The following APBB2 variants were observed in gnomAD, a reference collection of about 807,000 sequenced individuals.
The protein encoded by APBB2 is amyloid beta precursor protein binding family B member 2.
In APBB2, 38 loss-of-function variants were observed where a neutral mutation model predicts 82.5. That is an observed-to-expected ratio of 0.46 (90% confidence interval 0.36 to 0.60). The LOEUF is 0.60. Ranked by LOEUF, APBB2 falls within the 20% of genes least tolerant of loss-of-function variation. The pLI is 0.00. For missense variants in APBB2, 772 were observed against 972.3 expected (o/e 0.79, Z 2.74); for synonymous variants, 341 against 368.2 (o/e 0.93, Z 0.85).
intron 3 of APBB2, among the ~76,000 whole-genome samples, chr4:41,091,454 A>T (rs1008999772): frequency 6.6e-6 from 1 of 152,232 alleles, no homozygotes; most frequent in African/African-American, 2.4e-5. Context: ...TTTTGTGAAG[A>T]TGTCAACATT....
chr4:41,021,176 C>T (rs1373835225), intron 5 of APBB2, among the ~76,000 whole-genome samples: 1 of 152,236 alleles, frequency 6.6e-6, no homozygotes, highest in East Asian at 1.9e-4. Flanking sequence ...CTAACAACTT[C>T]TACCGAGGAC....
At chr4:41,007,886 A>C (rs1202167773) in intron 6 of APBB2, among the ~76,000 whole-genome samples, 1 of 152,194 alleles carries the variant, frequency 6.6e-6, no homozygotes, top group Non-Finnish European at 1.5e-5. Flanking sequence ...GAAACTTTTG[A>C]GTAATGCCGA....
intron 10 of APBB2, among the ~76,000 whole-genome samples, chr4:40,921,193 T>C (rs983005672): frequency 2.0e-5 from 3 of 152,218 alleles, no homozygotes; most frequent in African/African-American, 7.2e-5. Flanking sequence ...TTTTTGTATT[T>C]GTGCCCATAC....
At chr4:40,990,976 C>G (rs1229792017) in intron 6 of APBB2, among the ~76,000 whole-genome samples, 2 of 143,618 alleles carry the variant, frequency 1.4e-5, no homozygotes, top group African/African-American at 5.1e-5. Flanking sequence ...ACTCTGCTAA[C>G]TACATAGATT....
intron 6 of APBB2, among the ~76,000 whole-genome samples, chr4:40,979,847 C>T (rs927030029): frequency 6.6e-6 from 1 of 152,182 alleles, no homozygotes; most frequent in Non-Finnish European, 1.5e-5. Context: ...TGGTGAGACT[C>T]CCAACAGAGC....
At chr4:41,057,643 C>A (rs6447595) in intron 4 of APBB2, among the ~76,000 whole-genome samples, 14,722 of 152,100 alleles carry the variant, frequency 0.097, 2,334 homozygotes, top group African/African-American at 0.34. Context: ...ATTTTTGTGG[C>A]CTTTTGTGCA....
chr4:40,945,083 TGGGGGGCGGGGC>T lies in APBB2; in HGVS notation c.836-22_836-11del. ...TCACTCCATATATCTGCTGAAAAAT[TGGGGGGCGGGGC>T]GGGGGGAGAAAGAGAGAATTTTATT... is the stretch of plus-strand genomic sequence containing the variant. On this transcript the variant is annotated splice_polypyrimidine_tract_variant and intron_variant, in intron 6 of 17. Transcript: ENST00000508593. 2 of 668,234 alleles carry T rather than the reference TGGGGGGCGGGGC, an allele frequency of 3.0e-6. No homozygotes were observed. Among genetic ancestry groups the T allele is most frequent in the Non-Finnish European group, 4.3e-6 (2 of 468,706 alleles). The allele number at this position is 668,234 out of a possible 1,614,324, so 41.4% of individuals were successfully genotyped here.
At chr4:41,101,972 G>T (rs899030901) in intron 2 of APBB2, among the ~76,000 whole-genome samples, 1 of 149,274 alleles carries the variant, frequency 6.7e-6, no homozygotes, top group African/African-American at 2.5e-5. Context: ...AAAAAAAAAA[G>T]AAAAGAAAAA....
intron 6 of APBB2, among the ~76,000 whole-genome samples, chr4:40,982,397 A>G (rs1174306751): frequency 2.2e-4 from 9 of 41,102 alleles, no homozygotes; most frequent in African/African-American, 6.5e-4. Context: ...GAAGGAAAGG[A>G]AAGGAAAGAA....
chr4:40,913,575 C>G (rs1207286318), intron 10 of APBB2, among the ~76,000 whole-genome samples: 4 of 152,180 alleles, frequency 2.6e-5, no homozygotes, highest in African/African-American at 4.8e-5. Flanking sequence ...ACCCCAAAGT[C>G]CATACTCCTG....
intron 3 of APBB2, among the ~76,000 whole-genome samples, chr4:41,081,627 A>T (rs1737657125): frequency 6.6e-6 from 1 of 152,218 alleles, no homozygotes; most frequent in Admixed American, 6.5e-5. Flanking sequence ...ACAAAGCTTT[A>T]AGACAGCCTC....
intron 2 of APBB2, among the ~76,000 whole-genome samples, chr4:41,107,874 A>G (rs1747816326): frequency 6.6e-6 from 1 of 152,202 alleles, no homozygotes; most frequent in Non-Finnish European, 1.5e-5. Flanking sequence ...ATTAAAGGAA[A>G]CTAAAAAGAC....
intron 1 of APBB2, among the ~76,000 whole-genome samples, chr4:41,164,454 A>C (rs1765966679): frequency 6.6e-6 from 1 of 152,212 alleles, no homozygotes; most frequent in African/African-American, 2.4e-5. Flanking sequence ...AGACACTGAC[A>C]CAGGATGCAA....
At chr4:41,049,354 C>CCCT (rs1724911048) in intron 4 of APBB2, among the ~76,000 whole-genome samples, 2 of 84,710 alleles carry the variant, frequency 2.4e-5, no homozygotes, top group East Asian at 7.7e-4. Context: ...GACCGGCAGC[C>CCCT]GCCCCGTCCG....
rs116018415 is a variant in APBB2 at position 40,842,222 on chromosome 4, C to T, written c.1530-11645G>A. 1.8e-3 allele frequency: 625 copies of T among 351,826 alleles called. 6 individuals are homozygous for T. The highest frequency in any genetic ancestry group is 0.012 in the African/African-American group (565 of 47,068). 21.8% of individuals were successfully genotyped at this position (351,826 alleles called of 1,614,324 possible). A position where few individuals can be genotyped will look rare whatever the true frequency, so the allele number is the denominator to read the frequency against. On this transcript the variant is annotated intron_variant, in intron 12 of 17. Transcript: ENST00000508593. Reference sequence around the variant, plus strand: ...TGTTTTAAATGCTGGTGATAAGAGGCGAAACAAAACAAAACAAAACAAAAG... The same window carrying T: ...TGTTTTAAATGCTGGTGATAAGAGGTGAAACAAAACAAAACAAAACAAAAG...
At chr4:40,871,258 C>T (rs1366371167) in intron 12 of APBB2, among the ~76,000 whole-genome samples, 1 of 152,216 alleles carries the variant, frequency 6.6e-6, no homozygotes, top group Non-Finnish European at 1.5e-5. Context: ...GATCCTCCCG[C>T]CTCAGACTCC....
intron 1 of APBB2, among the ~76,000 whole-genome samples, chr4:41,172,087 G>A (rs1336844508): frequency 6.6e-6 from 1 of 152,098 alleles, no homozygotes; most frequent in Non-Finnish European, 1.5e-5. Flanking sequence ...GTGACAAAGC[G>A]AGACTCCATC....
At chr4:40,934,830 T>C (rs1307592976) in intron 8 of APBB2, 131 bp from the exon 9 acceptor site, 4 of 731,494 alleles carry the variant, frequency 5.5e-6, no homozygotes, top group African/African-American at 1.8e-5. Flanking sequence ...GAGAAAGGCA[T>C]GCAAGGACTG....
At chr4:40,861,102 G>A (rs1191827301) in intron 12 of APBB2, among the ~76,000 whole-genome samples, 2 of 151,606 alleles carry the variant, frequency 1.3e-5, no homozygotes, top group Non-Finnish European at 2.9e-5. Context: ...TGTAATCACA[G>A]CATTTTGGGA....
Sources: gnomAD v4.1 joint callset for allele counts (sites outside exome capture counted in the v4.1 genomes callset) on GRCh38, gnomAD v4.1.1 for gene constraint, MANE v1.5 for transcripts, NCBI Gene and HGNC (gene_info 2026-07-23, HGNC 2026-07-21) for gene names.